AHRR: variants seen among roughly 807,000 people sequenced by gnomAD.
AHRR encodes ahR repressor.
Under a neutral mutation model 44.0 loss-of-function variants are expected in AHRR, and 28 were observed. The ratio of observed to expected loss-of-function variants is 0.64; its 90% confidence interval spans 0.47 to 0.87. The LOEUF (loss-of-function observed/expected upper bound fraction) is 0.87, where lower values mean the gene tolerates loss of function less well. Ranked by LOEUF, AHRR falls within the 40% of genes least tolerant of loss-of-function variation. The pLI is 0.00. For missense variants in AHRR, 990 were observed against 953.9 expected, an observed-to-expected ratio of 1.04 and a Z score of -0.50; for synonymous variants, 434 against 407.0, an observed-to-expected ratio of 1.07 and a Z score of -0.80.
chr5:426,727 A>G (rs935411329), intron 7 of AHRR, among the ~76,000 whole-genome samples: 4 of 148,250 alleles, frequency 2.7e-5, no homozygotes, highest in Admixed American at 1.3e-4. Flanking sequence ...GGACAGATAG[A>G]TGGGTGGATG....
intron 4 of AHRR, among the ~76,000 whole-genome samples, chr5:403,018 A>G (rs1735083346): frequency 6.6e-6 from 1 of 152,170 alleles, no homozygotes; most frequent in Admixed American, 6.5e-5. Flanking sequence ...GTCAGTGGTT[A>G]CCAGGGGCCG....
chr5:415,064 TC>T (rs1735662451), intron 5 of AHRR, among the ~76,000 whole-genome samples: 1 of 152,180 alleles, frequency 6.6e-6, no homozygotes, highest in Non-Finnish European at 1.5e-5. Flanking sequence ...GTGGAGAAGT[TC>T]CCAAGACGTT....
intron 2 of AHRR, among the ~76,000 whole-genome samples, chr5:345,433 CGTGTGTGGGTGTGT>C (rs1742620479): frequency 5.2e-5 from 1 of 19,310 alleles, no homozygotes; most frequent in Non-Finnish European, 7.8e-5. Context: ...TGTGGGTGTG[CGTGTGTGGGTGTGT>C]GTGTGTGTGT....
chr5:345,793 C>T (rs371905327), intron 2 of AHRR, among the ~76,000 whole-genome samples: 3 of 152,156 alleles, frequency 2.0e-5, no homozygotes, highest in East Asian at 3.9e-4. Context: ...TGCGGGGCCC[C>T]AGGAGGAGCT....
Position 434,655 on chromosome 5 carries a change from C to T in AHRR, c.1915C>T (p.Arg639Ter), listed in dbSNP as rs752499728. The T allele has an allele frequency of 2.6e-6, 4 of 1,565,022 alleles. No individual in the cohort carries two copies. The highest frequency in any genetic ancestry group is 1.2e-5 in the South Asian group (1 of 85,378). The change falls in exon 11 of 11, where the codon CGA (arginine) becomes TGA (stop). Residue 639 changes from arginine (R) to a stop codon, truncating the protein, a stop_gained. Transcript: ENST00000684583. LOFTEE classifies it low-confidence loss of function (END_TRUNC). The stretch of plus-strand genomic sequence containing the variant: ...TCCCCACCAGCTCTGTGCACGGGGC[C>T]GAGGTGAACAGTCCTGCACCTGCAG... ...EPPHQLCARG[R>*]GEQSCTCRAA...
intron 5 of AHRR, among the ~76,000 whole-genome samples, chr5:415,822 C>T (rs1247196020): frequency 2.6e-5 from 4 of 152,170 alleles, no homozygotes; most frequent in Non-Finnish European, 5.9e-5. Context: ...TCTGCGCAGG[C>T]CCTGAGGCTG....
In AHRR at chr5:353,746, G is replaced by A. The variant is rs769607059; in HGVS notation, c.79G>A (p.Ala27Thr). 3 of 1,611,080 alleles carry A rather than the reference G, an allele frequency of 1.9e-6. No individual in the cohort carries two copies. The highest frequency in any genetic ancestry group is 2.7e-5 in the African/African-American group (2 of 74,902). Reference sequence around the variant, plus strand: ...TCCCCACAGGAGGCCCGCCGTGGGGGCAGAGAAGTCCAACCCCTCCAAGCG... The same window carrying A: ...TCCCCACAGGAGGCCCGCCGTGGGGACAGAGAAGTCCAACCCCTCCAAGCG... ...PLQKQRPAVG[A>T]EKSNPSKRHR... The change falls in exon 3 of 11, where the codon GCA becomes ACA. Residue 27 changes from alanine (A) to threonine (T), a missense_variant. Coordinates refer to ENST00000684583, the MANE Select transcript of AHRR (RefSeq NM_001377236.1).
chr5:413,679 T>C (rs192693718), intron 5 of AHRR, among the ~76,000 whole-genome samples: 1 of 152,308 alleles, frequency 6.6e-6, no homozygotes, highest in Admixed American at 6.5e-5. Flanking sequence ...AGCCGTGGCG[T>C]GCGGACGGCA....
chr5:344,400 A>G (rs79450487), intron 2 of AHRR, among the ~76,000 whole-genome samples: 3,274 of 17,468 alleles, frequency 0.19, 263 homozygotes, highest in African/African-American at 0.27. Context: ...GCGGGTGGGG[A>G]GGGCTGCGGG....
intron 5 of AHRR, chr5:421,302 G>A (rs1222865169): frequency 8.6e-6 from 6 of 697,316 alleles, no homozygotes; most frequent in African/African-American, 7.1e-5. Context: ...TTGCGCTGCA[G>A]GTGCCCCCAC....
chr5:323,142 G>A (rs914351801), intron 1 of AHRR, among the ~76,000 whole-genome samples: 2 of 152,154 alleles, frequency 1.3e-5, no homozygotes, highest in African/African-American at 4.8e-5. Context: ...AGTGGGTAGG[G>A]TCCTCCCCTG....
At chr5:427,722 G>A in intron 7 of AHRR, 85 bp from the exon 8 acceptor site, 1 of 1,613,842 alleles carries the variant, frequency 6.2e-7, no homozygotes, top group Non-Finnish European at 8.5e-7. Context: ...TCCAGCCGCT[G>A]TCGCGCCCTT....
intron 3 of AHRR, among the ~76,000 whole-genome samples, chr5:360,043 A>G (rs529710442): frequency 2.1e-3 from 317 of 152,284 alleles, no homozygotes; most frequent in African/African-American, 7.3e-3. Flanking sequence ...ACCTATTCAT[A>G]TAGTGAAACC....
intron 3 of AHRR, among the ~76,000 whole-genome samples, 158 bp downstream of exon 3, chr5:354,069 C>T (rs1414138271): frequency 6.6e-6 from 1 of 152,206 alleles, no homozygotes; most frequent in Non-Finnish European, 1.5e-5. Flanking sequence ...GAGACTTGGC[C>T]CCTGGATGGG....
At chr5:333,328 G>T (rs1208278402) in intron 1 of AHRR, among the ~76,000 whole-genome samples, 1 of 152,218 alleles carries the variant, frequency 6.6e-6, no homozygotes, top group African/African-American at 2.4e-5. Context: ...GGGCATGGTA[G>T]CTTACGCCTG....
Position 338,830 on chromosome 5 carries a change from A to C in AHRR, c.-10-5063A>C, listed in dbSNP as rs1381573985. Among the ~76,000 whole-genome samples, 3 of 152,186 alleles carry C rather than the reference A, an allele frequency of 2.0e-5. No individual in the cohort carries two copies. The East Asian group carries it at 5.8e-4, about 29-fold the overall frequency. Reference sequence around the variant, plus strand: ...TTACAATTCTCATTACATTTGGAAAAAATTTCTGCTGTTTCTTACATTTTC... The same window carrying C: ...TTACAATTCTCATTACATTTGGAAACAATTTCTGCTGTTTCTTACATTTTC... On this transcript the variant is annotated intron_variant, in intron 1 of 10. Coordinates refer to ENST00000684583, the MANE Select transcript of AHRR (RefSeq NM_001377236.1). The surrounding 1 kb of genome is among the most constrained non-coding windows in gnomAD (Gnocchi z 4.1).
chr5:434,224 C>T lies in AHRR; in HGVS notation c.1484C>T (p.Pro495Leu), dbSNP rs186350963. The part of the protein sequence containing the change: ...QRSLQHQLPQ[P>L]GAQRFATRGY... ...AGCCTGCAGCACCAGCTCCCTCAGC[C>T]TGGAGCTCAGCGTTTTGCCACGAGG... Residue 495 changes from proline (P) to leucine (L), a missense_variant, in exon 11 of 11, where the codon CCT becomes CTT. By Grantham distance (98) the Pro-to-Leu change is moderately conservative. Transcript: ENST00000684583. The T allele has an allele frequency of 1.1e-5, 17 of 1,591,012 alleles. No individual in the cohort carries two copies. In the Admixed American group the frequency reaches 1.9e-4, roughly 18 times the overall value.
At chr5:341,010 TTTTTC>T (rs762732625) in intron 1 of AHRR, among the ~76,000 whole-genome samples, 23 of 150,186 alleles carry the variant, frequency 1.5e-4, no homozygotes, top group Admixed American at 3.3e-4. Flanking sequence ...ATAATTTTTC[TTTTTC>T]TTTTCTTTTC....
chr5:434,636 C>G lies in AHRR; in HGVS notation c.1896C>G (p.His632Gln), dbSNP rs773966434. The G allele has an allele frequency of 6.4e-7, 1 of 1,562,668 alleles. No individual in the cohort carries two copies. The highest frequency in any genetic ancestry group is 1.4e-5 in the African/African-American group (1 of 73,618). Reference sequence around the variant, plus strand: ...GCCTTCCCCAGTCGGAGCCTCCCCACCAGCTCTGTGCACGGGGCCGAGGTG... The same window carrying G: ...GCCTTCCCCAGTCGGAGCCTCCCCAGCAGCTCTGTGCACGGGGCCGAGGTG... ...TDGLPQSEPP[H>Q]QLCARGRGEQ... The change falls in exon 11 of 11, where the codon CAC (histidine) becomes CAG (glutamine). Residue 632 changes from histidine (H) to glutamine (Q), a missense_variant. Physicochemically the swap from His to Gln is conservative, Grantham distance 24. Transcript: ENST00000684583.
Sources: gnomAD v4.1 joint callset for allele counts (sites outside exome capture counted in the v4.1 genomes callset) on GRCh38, gnomAD v4.1.1 for gene constraint, Gnocchi (gnomAD v3.1) non-coding constraint, MANE v1.5 for transcripts, NCBI Gene and HGNC (gene_info 2026-07-23, HGNC 2026-07-21) for gene names.